FHIT: variants seen among roughly 807,000 people sequenced by gnomAD.
FHIT encodes bis(5'-adenosyl)-triphosphatase.
FHIT carries 19 observed loss-of-function variants against 17.9 expected under a neutral mutation model. The observed-to-expected ratio is 1.06, with a 90% CI of 0.74 to 1.56. The LOEUF (loss-of-function observed/expected upper bound fraction) is 1.56. FHIT is among the 40% of genes most tolerant of loss of function. The pLI is 0.00. For missense variants in FHIT, 248 were observed against 189.2 expected, an observed-to-expected ratio of 1.31 and a Z score of -1.82; for synonymous variants, 81 against 69.7, an observed-to-expected ratio of 1.16 and a Z score of -0.81.
chr3:60,453,600 G>A (rs1460201098), intron 5 of FHIT, among the ~76,000 whole-genome samples: 1 of 152,102 alleles, frequency 6.6e-6, no homozygotes, highest in Non-Finnish European at 1.5e-5. Context: ...TTCACCATCA[G>A]TCCTGTTTTA....
At chr3:59,776,559 A>T (rs1702328711) in intron 8 of FHIT, among the ~76,000 whole-genome samples, 1 of 152,180 alleles carries the variant, frequency 6.6e-6, no homozygotes, top group Admixed American at 6.5e-5. Flanking sequence ...GAAAGGGGAG[A>T]GACTCCTCGG....
intron 3 of FHIT, among the ~76,000 whole-genome samples, chr3:60,934,563 T>A (rs574645051): frequency 6.6e-6 from 1 of 152,328 alleles, no homozygotes; most frequent in East Asian, 1.9e-4. Context: ...CTCTACTGTG[T>A]CTCAAGCACA....
chr3:60,007,705 C>T (rs77057914), intron 7 of FHIT, among the ~76,000 whole-genome samples: 5,396 of 152,144 alleles, frequency 0.035, 276 homozygotes, highest in African/African-American at 0.12. Context: ...TGTATTTTTA[C>T]GGACAGTCAT....
rs577263390 is a variant in FHIT at position 59,967,649 on chromosome 3, C to G, written c.279+43722G>C. 2.8e-3 allele frequency among the ~76,000 whole-genome samples: 429 copies of G among 152,212 alleles called. 1 individual carries two copies. The highest frequency in any genetic ancestry group is 6.8e-3 in the Middle Eastern group (2 of 294). On this transcript the variant is annotated intron_variant, in intron 7 of 9. Coordinates refer to ENST00000492590, the MANE Select transcript of FHIT (RefSeq NM_002012.4). ...TTCAGAAGGGTTGGTGGAAGCTTGG[C>G]AAAGGTGTTCACGAAGAGCCAGCAT...
chr3:60,745,953 C>T (rs1553715253), intron 4 of FHIT, among the ~76,000 whole-genome samples: 2 of 152,076 alleles, frequency 1.3e-5, no homozygotes, highest in African/African-American at 4.8e-5. Context: ...CACAGGAAAC[C>T]CATTAAATAG....
chr3:59,760,885 C>G (rs1054185836), intron 8 of FHIT, among the ~76,000 whole-genome samples: 11 of 151,798 alleles, frequency 7.2e-5, no homozygotes, highest in South Asian at 4.2e-4. Flanking sequence ...TAGTGGCCAG[C>G]TCACTGCAGC....
At chr3:60,059,987 T>G (rs1702235300) in intron 5 of FHIT, among the ~76,000 whole-genome samples, 1 of 152,182 alleles carries the variant, frequency 6.6e-6, no homozygotes, top group African/African-American at 2.4e-5. Flanking sequence ...AGTTGTTGTT[T>G]TTTGTTTTGT....
intron 1 of FHIT, among the ~76,000 whole-genome samples, chr3:61,232,463 T>A (rs73098963): frequency 0.039 from 5,975 of 152,168 alleles, 136 homozygotes; most frequent in Admixed American, 0.067. Context: ...CTTTAAAAGG[T>A]ATGTGAGTCA....
intron 7 of FHIT, among the ~76,000 whole-genome samples, chr3:60,006,348 G>C (rs893144446): frequency 6.6e-6 from 1 of 152,172 alleles, no homozygotes; most frequent in Admixed American, 6.5e-5. Flanking sequence ...AGAGAATTCA[G>C]TGTATAATAA....
intron 7 of FHIT, among the ~76,000 whole-genome samples, chr3:59,945,599 A>C (rs1706761687): frequency 6.6e-6 from 1 of 150,850 alleles, no homozygotes; most frequent in East Asian, 1.9e-4. Context: ...TTTTCCAGAG[A>C]CCGTGTACAG....
In FHIT at chr3:60,203,648, C is replaced by A. The variant is rs146843075; in HGVS notation, c.104-189496G>T. Among the ~76,000 whole-genome samples, 363 of 152,264 alleles carry A rather than the reference C, an allele frequency of 2.4e-3. 1 individual carries two copies. Among genetic ancestry groups the A allele is most frequent in the African/African-American group, 8.4e-3 (349 of 41,570 alleles). On this transcript the variant is annotated intron_variant, in intron 5 of 9. Coordinates refer to ENST00000492590, the MANE Select transcript of FHIT (RefSeq NM_002012.4). ...GTCAACCTATGTCAGCCCATTGGAA[C>A]TGATCTTTAAGAACACAAAAACATA...
chr3:60,617,156 G>C lies in FHIT; in HGVS notation c.-17-80177C>G, dbSNP rs75688979. On this transcript the variant is annotated intron_variant, in intron 4 of 9. Coordinates refer to ENST00000492590, the MANE Select transcript of FHIT (RefSeq NM_002012.4). ...GGAGCTAGCAAAGAAGTGATTGTTA[G>C]CATCATATCAAAATAACTAAAAGCT... is the stretch of plus-strand genomic sequence containing the variant. The C allele has an allele frequency of 9.9e-3, 2,137 of 215,628 alleles. 59 individuals are homozygous for C. The highest frequency in any genetic ancestry group is 0.047 in the African/African-American group (2,030 of 43,394). 13.4% of individuals were successfully genotyped at this position (215,628 alleles called of 1,614,324 possible).
intron 5 of FHIT, among the ~76,000 whole-genome samples, chr3:60,532,321 T>C (rs2035816146): frequency 6.6e-6 from 1 of 152,182 alleles, no homozygotes; most frequent in African/African-American, 2.4e-5. Context: ...TTATTTACAA[T>C]GAAAGCCCCA....
chr3:60,052,304 G>A (rs917169742), intron 5 of FHIT, among the ~76,000 whole-genome samples: 10 of 152,026 alleles, frequency 6.6e-5, no homozygotes, highest in African/African-American at 2.2e-4. Context: ...TGCCTATCAC[G>A]AGTACACCCT....
At chr3:59,872,472 A>G (rs1702967005) in intron 8 of FHIT, among the ~76,000 whole-genome samples, 1 of 152,200 alleles carries the variant, frequency 6.6e-6, no homozygotes, top group African/African-American at 2.4e-5. Flanking sequence ...CGGCTTTGGT[A>G]AAGGAGAAAA....
Position 60,285,612 on chromosome 3 carries a change from A to G in FHIT, c.103+251248T>C, listed in dbSNP as rs138933688. ...TTTTCAGGCATAATTACAGTCCCTA[A>G]TCAGTTGAGTTTAATTTTAGGAAAT... On this transcript the variant is annotated intron_variant, in intron 5 of 9. Transcript: ENST00000492590. Among the ~76,000 whole-genome samples, 834 of 152,236 alleles carry G rather than the reference A, an allele frequency of 5.5e-3. 5 individuals carry two copies. The highest frequency in any genetic ancestry group is 0.018 in the African/African-American group (764 of 41,548).
At chr3:60,200,991 T>A (rs1433424840) in intron 5 of FHIT, among the ~76,000 whole-genome samples, 1 of 152,100 alleles carries the variant, frequency 6.6e-6, no homozygotes, top group Non-Finnish European at 1.5e-5. Flanking sequence ...ATGGTCCCTG[T>A]CTCCAACAGA....
chr3:60,209,180 G>C (rs1212852313), intron 5 of FHIT, among the ~76,000 whole-genome samples: 1 of 152,118 alleles, frequency 6.6e-6, no homozygotes, highest in Non-Finnish European at 1.5e-5. Context: ...TTTTTAATAT[G>C]TTATTTCAGC....
chr3:59,948,606 G>C, intron 7 of FHIT, among the ~76,000 whole-genome samples: 1 of 152,094 alleles, frequency 6.6e-6, no homozygotes, highest in Middle Eastern at 3.4e-3. Context: ...ATTTCCATCA[G>C]AGAGATTTGG....
Sources: allele counts gnomAD v4.1 joint callset (sites outside exome capture counted in the v4.1 genomes callset), GRCh38; gene constraint gnomAD v4.1.1; transcripts MANE v1.5; gene names NCBI Gene and HGNC (gene_info 2026-07-23, HGNC 2026-07-21).